TCTN2: variants seen among roughly 807,000 people sequenced by gnomAD.
TCTN2 encodes tectonic family member 2, also known as tectonic-2.
A neutral mutation model predicts 83.4 loss-of-function variants in TCTN2; 66 were observed. The observed-to-expected ratio is 0.79, with a 90% CI of 0.65 to 0.97. TCTN2 has a LOEUF of 0.97. Ranked by LOEUF, TCTN2 falls within the 50% of genes least tolerant of loss-of-function variation. The pLI, the probability that TCTN2 is intolerant of heterozygous loss-of-function variation, is 0.00. For synonymous variants in TCTN2, 301 were observed against 326.7 expected, an observed-to-expected ratio of 0.92 and a Z score of 0.85; for missense variants, 794 against 858.1, an observed-to-expected ratio of 0.93 and a Z score of 0.93.
At chr12:123,692,797 C>T (rs1956059473) in intron 9 of TCTN2, 74 bp downstream of exon 9, 1 of 1,158,204 alleles carries the variant, frequency 8.6e-7, no homozygotes, top group African/African-American at 1.5e-5. Flanking sequence ...TATATACCCT[C>T]AGAGTGTATA....
At chr12:123,692,182 A>G (rs887698830) in intron 8 of TCTN2, among the ~76,000 whole-genome samples, 5 of 152,118 alleles carry the variant, frequency 3.3e-5, no homozygotes, top group African/African-American at 1.2e-4. Flanking sequence ...GAGTGCTGGG[A>G]TTACGGGCAT....
In TCTN2 at chr12:123,674,860, T is replaced by A. The variant is rs934640401; in HGVS notation, c.463+1050T>A. 5.3e-5 allele frequency among the ~76,000 whole-genome samples: 8 copies of A among 152,170 alleles called. No individual in the cohort carries two copies. In the East Asian group the frequency reaches 5.8e-4, roughly 11 times the overall value. ...AGTTTACATCATTTCCAGCTTTTTT[T>A]AAAATTTATTTTTATTTTCATTTTT... On this transcript the variant is annotated intron_variant, in intron 4 of 17. Coordinates refer to ENST00000303372, the MANE Select transcript of TCTN2 (RefSeq NM_024809.5).
chr12:123,680,665 C>T (rs564305633), intron 5 of TCTN2, among the ~76,000 whole-genome samples: 3 of 151,220 alleles, frequency 2.0e-5, no homozygotes, highest in South Asian at 2.1e-4. Context: ...TACAGGTGTG[C>T]GCCACCACAC....
At chr12:123,676,566 T>TG (rs1214870273) in intron 4 of TCTN2, among the ~76,000 whole-genome samples, 15 of 60,722 alleles carry the variant, frequency 2.5e-4, no homozygotes, top group Admixed American at 4.9e-4. Flanking sequence ...AGACTCCATC[T>TG]AAAAAAAAAA....
At chr12:123,671,424 C>A (rs188213471) in intron 1 of TCTN2, 83 bp from the exon 2 acceptor site, 2 of 1,588,374 alleles carry the variant, frequency 1.3e-6, no homozygotes, top group Non-Finnish European at 1.7e-6. Flanking sequence ...GAGTCGACAA[C>A]GCCAAAGCAA....
chr12:123,692,575 C>A, intron 8 of TCTN2, 83 bp from the exon 9 acceptor site: 2 of 1,179,594 alleles, frequency 1.7e-6, no homozygotes, highest in Non-Finnish European at 2.5e-6. Context: ...ACCATATTTG[C>A]TTTGTAAGCT....
chr12:123,697,089 G>A lies in TCTN2; in HGVS notation c.1396G>A (p.Gly466Arg), dbSNP rs1566258739. ...VTTLHLWQSA[G>R]RGLCTSATFK... is the part of the protein sequence containing the mutation. ...AGGATAATCTTTTTCTTTTATAGCT[G>A]GAAGGGGTCTGTGTACATCAGCAAC... The change falls in exon 13 of 18, where the codon GGA becomes AGA. Residue 466 changes from glycine (G) to arginine (R), a missense_variant and splice_region_variant. Gly to Arg is a moderately radical substitution (Grantham distance 125, BLOSUM62 -2). Coordinates refer to ENST00000303372, the MANE Select transcript of TCTN2 (RefSeq NM_024809.5). The A allele has an allele frequency of 6.2e-7, 1 of 1,611,650 alleles. No individual in the cohort carries two copies. The highest frequency in any genetic ancestry group is 1.3e-5 in the African/African-American group (1 of 74,994).
intron 8 of TCTN2, among the ~76,000 whole-genome samples, chr12:123,692,306 A>C (rs979680776): frequency 6.6e-6 from 1 of 152,144 alleles, no homozygotes; most frequent in Non-Finnish European, 1.5e-5. Context: ...CGGCCTCCCA[A>C]AGTGCTGGGA....
chr12:123,686,135 C>T (rs1465626104), intron 5 of TCTN2, among the ~76,000 whole-genome samples: 1 of 151,980 alleles, frequency 6.6e-6, no homozygotes, highest in Non-Finnish European at 1.5e-5. Context: ...CAACCTCTGC[C>T]TCCTGGGCTC....
chr12:123,705,040 T>G (rs938621277), intron 15 of TCTN2, among the ~76,000 whole-genome samples: 4 of 152,142 alleles, frequency 2.6e-5, no homozygotes, highest in Non-Finnish European at 5.9e-5. Context: ...GCAGATAGGT[T>G]CAAATCATGG....
intron 3 of TCTN2, among the ~76,000 whole-genome samples, chr12:123,672,776 C>T (rs1451225435): frequency 6.6e-6 from 1 of 151,960 alleles, no homozygotes; most frequent in East Asian, 1.9e-4. Flanking sequence ...GCTGGTCAGG[C>T]GCGGTGGCTC....
intron 14 of TCTN2, among the ~76,000 whole-genome samples, chr12:123,700,700 G>A (rs1956163181): frequency 6.6e-6 from 1 of 152,214 alleles, no homozygotes; most frequent in Non-Finnish European, 1.5e-5. Flanking sequence ...CAAAGTGCTG[G>A]GATTATAGGC....
At chr12:123,694,772 A>T in intron 9 of TCTN2, 70 bp from the exon 10 acceptor site, 1 of 1,568,866 alleles carries the variant, frequency 6.4e-7, no homozygotes, top group South Asian at 1.1e-5. Context: ...GCAAGCAGAG[A>T]GAACCTCCCA....
chr12:123,701,999 G>C (rs1167640127), intron 14 of TCTN2, among the ~76,000 whole-genome samples: 7 of 152,140 alleles, frequency 4.6e-5, no homozygotes, highest in African/African-American at 1.7e-4. Context: ...CCAGCTCATC[G>C]GGTTATGTTG....
intron 7 of TCTN2, among the ~76,000 whole-genome samples, chr12:123,688,777 CAG>C (rs1487337971): frequency 6.6e-6 from 1 of 151,432 alleles, no homozygotes; most frequent in African/African-American, 2.4e-5. Context: ...TTTTTTGAGA[CAG>C]AGTTTCGCTG....
chr12:123,671,176 C>CT lies in TCTN2; in HGVS notation c.-64dup. On this transcript the variant is annotated 5_prime_UTR_variant, in exon 1 of 18. It removes the in-frame stop codon of an upstream open reading frame in the 5' UTR. Coordinates refer to ENST00000303372, the MANE Select transcript of TCTN2 (RefSeq NM_024809.5). ...GGCAGTGGCTGCTGCGTTTTCGTGTCTGAGTCCTTCCTGGGTTCTAATGAG... is the reference window on the plus strand; with the variant it reads ...GGCAGTGGCTGCTGCGTTTTCGTGTCTTGAGTCCTTCCTGGGTTCTAATGAG... 2 of 1,488,442 alleles carry CT rather than the reference C, an allele frequency of 1.3e-6. No homozygotes were observed. The highest frequency in any genetic ancestry group is 1.9e-5 in the Admixed American group (1 of 52,800). 92.2% of individuals were successfully genotyped at this position (1,488,442 alleles called of 1,614,324 possible).
At chr12:123,677,691 C>A (rs531986803) in intron 4 of TCTN2, among the ~76,000 whole-genome samples, 16 of 152,174 alleles carry the variant, frequency 1.1e-4, no homozygotes, top group Non-Finnish European at 1.8e-4. Context: ...GTCCCATTCA[C>A]GCCCGCCACC....
chr12:123,696,603 T>C lies in TCTN2; in HGVS notation c.1393+108T>C, dbSNP rs903453308. ...TCAATTATTTTAAAGCCTAGTTGGTTTATTTAGCAGAGAGGTACATGCTGC... is the reference window on the plus strand; with the variant it reads ...TCAATTATTTTAAAGCCTAGTTGGTCTATTTAGCAGAGAGGTACATGCTGC... On this transcript the variant is annotated intron_variant, in intron 12 of 17. Coordinates refer to ENST00000303372, the MANE Select transcript of TCTN2 (RefSeq NM_024809.5). 5 of 1,044,782 alleles carry C rather than the reference T, an allele frequency of 4.8e-6. No individual in the cohort carries two copies. In the Admixed American group the frequency reaches 7.3e-5, roughly 15 times the overall value. The allele number at this position is 1,044,782 out of a possible 1,614,324, so 64.7% of individuals were successfully genotyped here.
chr12:123,693,492 A>C (rs1324012726), intron 9 of TCTN2, among the ~76,000 whole-genome samples: 1 of 132,076 alleles, frequency 7.6e-6, no homozygotes, highest in Non-Finnish European at 1.5e-5. Context: ...TTGCTCTGTC[A>C]CCCAGGCTGG....
Sources: allele counts gnomAD v4.1 joint callset (sites outside exome capture counted in the v4.1 genomes callset), GRCh38; gene constraint gnomAD v4.1.1; transcripts MANE v1.5; gene names NCBI Gene and HGNC (gene_info 2026-07-23, HGNC 2026-07-21).